Variants in RSF1 observed in about 807,000 individuals in gnomAD.
RSF1 encodes the protein HBV pX-associated protein 8.
In RSF1, 13 loss-of-function variants were observed where a neutral mutation model predicts 145.2. The observed-to-expected ratio is 0.09, with a 90% CI of 0.06 to 0.14. The LOEUF (loss-of-function observed/expected upper bound fraction) is 0.14. RSF1 is among the 10% of genes least tolerant of loss of function. RSF1 has a pLI of 1.00. For missense variants in RSF1, 1,517 were observed against 1,718.2 expected, an observed-to-expected ratio of 0.88 and a Z score of 2.07; for synonymous variants, 577 against 592.6, an observed-to-expected ratio of 0.97 and a Z score of 0.38.
chr11:77,663,349 T>C lies in RSF1; in HGVS notation c.*3568A>G, dbSNP rs1327136059. 2.6e-5 allele frequency: 4 copies of C among 152,198 alleles called. No homozygotes were observed. Among genetic ancestry groups the C allele is most frequent in the Admixed American group, 2.6e-4 (4 of 15,280 alleles). 9.4% of individuals were successfully genotyped at this position (152,198 alleles called of 1,614,324 possible). ...TATTAAACAAGTAAATGTCCATGTT[T>C]TTCTTAATATGTGTACTTTGCTCAA... On this transcript the variant is annotated 3_prime_UTR_variant, in exon 16 of 16. Coordinates refer to ENST00000308488, the MANE Select transcript of RSF1 (RefSeq NM_016578.4).
intron 5 of RSF1, among the ~76,000 whole-genome samples, chr11:77,711,658 A>G (rs894211006): frequency 2.7e-5 from 4 of 150,384 alleles, no homozygotes; most frequent in African/African-American, 7.4e-5. Flanking sequence ...AAGAAGAGCG[A>G]AAGTCCGTCT....
intron 1 of RSF1, among the ~76,000 whole-genome samples, chr11:77,775,017 A>G (rs1948327801): frequency 6.6e-6 from 1 of 151,170 alleles, no homozygotes. Flanking sequence ...TGCCCAACTC[A>G]GCCTCCCAAA....
chr11:77,853,993 CTT>C, the RSF1 span, among the ~76,000 whole-genome samples: 1,140 of 138,386 alleles, frequency 8.2e-3, 14 homozygotes, highest in African/African-American at 0.027. Context: ...CCTCCAAATT[CTT>C]TTTTTTTTTT....
chr11:77,835,850 G>A, the RSF1 span, among the ~76,000 whole-genome samples: 1 of 152,154 alleles, frequency 6.6e-6, no homozygotes, highest in Non-Finnish European at 1.5e-5. Flanking sequence ...GGAGGTTGCA[G>A]TGAGCCGAGA....
chr11:77,855,093 G>A, the RSF1 span, among the ~76,000 whole-genome samples: 1 of 152,084 alleles, frequency 6.6e-6, no homozygotes, highest in Non-Finnish European at 1.5e-5. Flanking sequence ...CGTGATGCAG[G>A]GTGCTATGAC....
chr11:77,698,835 T>C, intron 6 of RSF1, 142 bp from the exon 7 acceptor site: 2 of 680,660 alleles, frequency 2.9e-6, no homozygotes, highest in Non-Finnish European at 4.9e-6. Context: ...CATCATCAGA[T>C]ATAGCTATGG....
upstream of RSF1, chr11:77,820,773 G>A: frequency 2.0e-6 from 3 of 1,487,496 alleles, no homozygotes; most frequent in Non-Finnish European, 2.7e-6. Context: ...GTGGTGCCGA[G>A]GGATGGCAAG....
intron 15 of RSF1, among the ~76,000 whole-genome samples, chr11:77,669,331 C>T (rs191375444): frequency 3.7e-4 from 57 of 152,250 alleles, no homozygotes; most frequent in African/African-American, 1.2e-3. Flanking sequence ...ACACAGCTAC[C>T]ACAGCAAATT....
At chr11:77,708,081 T>C (rs1478541445) in intron 5 of RSF1, among the ~76,000 whole-genome samples, 1 of 152,148 alleles carries the variant, frequency 6.6e-6, no homozygotes, top group African/African-American at 2.4e-5. Context: ...ACCCAGTGTG[T>C]TTAATGCAGG....
chr11:77,685,174 CAA>C lies in RSF1; in HGVS notation c.2901-17_2901-16del. On this transcript the variant is annotated splice_polypyrimidine_tract_variant and intron_variant, in intron 9 of 15. Coordinates refer to ENST00000308488, the MANE Select transcript of RSF1 (RefSeq NM_016578.4). ...AGCGTTCTTTTCTTTAGGTGAAAAACAAACAAAATACATGAGATTTGCAGAAA... is the reference window on the plus strand; with the variant it reads ...AGCGTTCTTTTCTTTAGGTGAAAAACACAAAATACATGAGATTTGCAGAAA... 1 of 1,484,116 alleles carries C rather than the reference CAA, an allele frequency of 6.7e-7. No individual in the cohort carries two copies. The allele number at this position is 1,484,116 out of a possible 1,614,324, so 91.9% of individuals were successfully genotyped here.
At chr11:77,731,144 A>G (rs997102330) in intron 4 of RSF1, among the ~76,000 whole-genome samples, 1 of 152,214 alleles carries the variant, frequency 6.6e-6, no homozygotes, top group African/African-American at 2.4e-5. Flanking sequence ...AATATGAACA[A>G]TAAGGCCCAG....
At chr11:77,832,180 T>TGACAATTGTA in the RSF1 span, among the ~76,000 whole-genome samples, 1 of 152,184 alleles carries the variant, frequency 6.6e-6, no homozygotes, top group East Asian at 1.9e-4. Flanking sequence ...ACACTGACAA[T>TGACAATTGTA]AGTTAACTGT....
At position 77,667,790 on chromosome 11, in the gene RSF1, G is replaced by A. The variant is rs919164943; in HGVS notation, c.3752-299C>T. 5.9e-5 allele frequency among the ~76,000 whole-genome samples: 9 copies of A among 152,100 alleles called. No individual in the cohort carries two copies. In the South Asian group the frequency reaches 1.2e-3, roughly 21 times the overall value. On this transcript the variant is annotated intron_variant, in intron 15 of 15. Transcript: ENST00000308488. Reference sequence around the variant, plus strand: ...GTGATCTTGGCTCACTGCAACCTCCGCCTCCTGGGTTCAAGCGATTCTCCT... The same window carrying A: ...GTGATCTTGGCTCACTGCAACCTCCACCTCCTGGGTTCAAGCGATTCTCCT...
At chr11:77,764,531 CATA>C in intron 2 of RSF1, 64 bp downstream of exon 2, 1 of 920,208 alleles carries the variant, frequency 1.1e-6, no homozygotes, top group South Asian at 1.5e-5. Flanking sequence ...TATTATAAAA[CATA>C]ATATCAATTT....
chr11:77,757,187 T>C (rs1948124613), intron 2 of RSF1, among the ~76,000 whole-genome samples: 1 of 152,176 alleles, frequency 6.6e-6, no homozygotes, highest in African/African-American at 2.4e-5. Flanking sequence ...TATGGCATGT[T>C]CTGTCAAGGT....
At chr11:77,870,184 AT>A in the RSF1 span, 134 of 143,452 alleles carry the variant, frequency 9.3e-4, 1 homozygote, top group Middle Eastern at 3.5e-3. Flanking sequence ...ATTTAATTTA[AT>A]TTTTTTTTTT....
At chr11:77,816,165 C>G (rs1948779722) in intron 1 of RSF1, among the ~76,000 whole-genome samples, 1 of 152,202 alleles carries the variant, frequency 6.6e-6, no homozygotes, top group Admixed American at 6.5e-5. Context: ...AAAGTTTCAA[C>G]CTAACCAGGC....
At chr11:77,835,925 T>A in the RSF1 span, among the ~76,000 whole-genome samples, 198 of 151,370 alleles carry the variant, frequency 1.3e-3, no homozygotes, top group African/African-American at 4.4e-3. Flanking sequence ...AAAAAAAAAA[T>A]AATAATAAAA....
chr11:77,859,776 C>A, the RSF1 span, among the ~76,000 whole-genome samples: 1 of 152,346 alleles, frequency 6.6e-6, no homozygotes, highest in South Asian at 2.1e-4. Context: ...CAGTTATGTT[C>A]TATCTTTTCT....
Sources: gnomAD v4.1 joint callset for allele counts (sites outside exome capture counted in the v4.1 genomes callset) on GRCh38, gnomAD v4.1.1 for gene constraint, MANE v1.5 for transcripts, NCBI Gene and HGNC (gene_info 2026-07-23, HGNC 2026-07-21) for gene names.